Variants in CDK19 observed in about 807,000 individuals in gnomAD.
The protein encoded by CDK19 is cyclin-dependent kinase 19.
In CDK19, 20 loss-of-function variants were observed where a neutral mutation model predicts 68.3. The ratio of observed to expected loss-of-function variants is 0.29; its 90% CI spans 0.21 to 0.43. The LOEUF (loss-of-function observed/expected upper bound fraction) is 0.43. CDK19 is among the 20% of genes least tolerant of loss of function. CDK19 has a pLI of 1.00. For synonymous variants in CDK19, 221 were observed against 222.8 expected (o/e 0.99, Z 0.07); for missense variants, 339 against 623.5 (o/e 0.54, Z 4.86).
At chr6:110,624,705 T>G (rs1778975688) in intron 8 of CDK19, among the ~76,000 whole-genome samples, 1 of 152,238 alleles carries the variant, frequency 6.6e-6, no homozygotes, top group African/African-American at 2.4e-5. Context: ...ACTTATTATT[T>G]TGAGTGGCTG....
chr6:110,614,861 A>G (rs973110926), intron 12 of CDK19, among the ~76,000 whole-genome samples, 195 bp from the exon 13 acceptor site: 21 of 152,202 alleles, frequency 1.4e-4, no homozygotes, highest in African/African-American at 4.3e-4. Context: ...GTAACCACAC[A>G]TTCTGGCAGG....
chr6:110,641,740 G>T (rs1483461796), intron 4 of CDK19, among the ~76,000 whole-genome samples: 1 of 151,932 alleles, frequency 6.6e-6, no homozygotes, highest in Non-Finnish European at 1.5e-5. Context: ...AAGAAAAATT[G>T]CATGGAATGA....
intron 2 of CDK19, among the ~76,000 whole-genome samples, chr6:110,728,287 C>CA (rs951995109): frequency 0.034 from 2,979 of 86,994 alleles, 95 homozygotes; most frequent in African/African-American, 0.096. Flanking sequence ...GACTCCATCT[C>CA]AAAAAAAAAA....
chr6:110,663,059 C>T (rs973040246), intron 4 of CDK19, among the ~76,000 whole-genome samples: 5 of 152,134 alleles, frequency 3.3e-5, no homozygotes, highest in African/African-American at 4.8e-5. Context: ...ATGTCCAAAA[C>T]ACTGACTTTT....
At chr6:110,705,531 GGA>G (rs1205893166) in intron 2 of CDK19, among the ~76,000 whole-genome samples, 1 of 152,134 alleles carries the variant, frequency 6.6e-6, no homozygotes, top group Non-Finnish European at 1.5e-5. Flanking sequence ...AGGGCATTCA[GGA>G]GAGAGCTCTT....
intron 2 of CDK19, among the ~76,000 whole-genome samples, chr6:110,721,901 T>C (rs1775924725): frequency 6.6e-6 from 1 of 152,086 alleles, no homozygotes; most frequent in Non-Finnish European, 1.5e-5. Flanking sequence ...GAGACAGAGG[T>C]TGCAGTGAGC....
intron 4 of CDK19, among the ~76,000 whole-genome samples, chr6:110,659,047 T>A (rs1781467837): frequency 6.6e-6 from 1 of 152,202 alleles, no homozygotes; most frequent in Admixed American, 6.5e-5. Context: ...TTTTAAAGTG[T>A]AGGTTCTCAA....
intron 4 of CDK19, chr6:110,646,561 A>G (rs977669817): frequency 1.2e-5 from 12 of 997,950 alleles, no homozygotes; most frequent in Admixed American, 9.7e-5. Context: ...CGTGCTGAGT[A>G]CGGCCACCTG....
chr6:110,698,019 TG>T (rs1429208388), intron 2 of CDK19, among the ~76,000 whole-genome samples: 1 of 152,070 alleles, frequency 6.6e-6, no homozygotes, highest in Non-Finnish European at 1.5e-5. Context: ...CAACTGAAGA[TG>T]GATCAAAGAC....
rs1376135113 is a variant in CDK19 at position 110,755,123 on chromosome 6, C to T, written c.129-8922G>A. Among the ~76,000 whole-genome samples, 4 of 151,602 alleles carry T rather than the reference C, an allele frequency of 2.6e-5. No individual in the cohort carries two copies. In the South Asian group the frequency reaches 6.3e-4, roughly 24 times the overall value. ...TGGCACAATCTCAACTCACTACAAC[C>T]TCCGCCTCCCAGGTTCAAGCTATTC... On this transcript the variant is annotated intron_variant, in intron 1 of 12. Coordinates refer to ENST00000368911, the MANE Select transcript of CDK19 (RefSeq NM_015076.5).
chr6:110,685,628 T>G (rs1772409501), intron 2 of CDK19, among the ~76,000 whole-genome samples: 1 of 152,196 alleles, frequency 6.6e-6, no homozygotes, highest in African/African-American at 2.4e-5. Context: ...ATATACTCTA[T>G]GTATTGACAT....
At chr6:110,762,945 A>C (rs1367331015) in intron 1 of CDK19, among the ~76,000 whole-genome samples, 3 of 152,218 alleles carry the variant, frequency 2.0e-5, no homozygotes, top group Non-Finnish European at 4.4e-5. Flanking sequence ...AACCGATTAG[A>C]TGACTGACTT....
At chr6:110,626,744 CA>C (rs753195552) in intron 8 of CDK19, 31 bp downstream of exon 8, 2 of 1,309,986 alleles carry the variant, frequency 1.5e-6, no homozygotes, top group South Asian at 2.7e-5. Flanking sequence ...TATAGCAGCA[CA>C]AAAAGACTAA....
intron 1 of CDK19, among the ~76,000 whole-genome samples, chr6:110,784,210 C>CA (rs1017225954): frequency 2.3e-4 from 33 of 141,892 alleles, no homozygotes; most frequent in Middle Eastern, 3.6e-3. Context: ...AAAGGCAACT[C>CA]AAAAAAAACA....
chr6:110,746,337 A>AT, intron 1 of CDK19, 136 bp from the exon 2 acceptor site: 2 of 481,872 alleles, frequency 4.2e-6, no homozygotes, highest in Non-Finnish European at 3.6e-6. Flanking sequence ...ATTGCTTATT[A>AT]TTTTTGATAA....
chr6:110,686,606 A>G (rs1772510371), intron 2 of CDK19, among the ~76,000 whole-genome samples: 1 of 152,212 alleles, frequency 6.6e-6, no homozygotes. Flanking sequence ...AATGAAAGTA[A>G]CAGTACATGA....
At chr6:110,724,605 T>C (rs1160810466) in intron 2 of CDK19, among the ~76,000 whole-genome samples, 1 of 152,064 alleles carries the variant, frequency 6.6e-6, no homozygotes. Flanking sequence ...GAACAGACAC[T>C]AAAGTTTAGG....
At position 110,614,359 on chromosome 6, in the gene CDK19, T is replaced by TA. The variant is rs767054669; in HGVS notation, c.*175dup. On this transcript the variant is annotated 3_prime_UTR_variant, in exon 13 of 13. Coordinates refer to ENST00000368911, the MANE Select transcript of CDK19 (RefSeq NM_015076.5). ...GGGGAAACTTCACAAGAATCTTCTT[T>TA]AAGTCAATAAAGAAGAGCTATCAGT... 227 of 481,200 alleles carry TA rather than the reference T, an allele frequency of 4.7e-4. 2 individuals are homozygous for TA. The highest frequency in any genetic ancestry group is 3.3e-3 in the East Asian group (111 of 33,310). The allele number at this position is 481,200 out of a possible 1,614,324, so 29.8% of individuals were successfully genotyped here.
chr6:110,791,013 T>C (rs1781555440), intron 1 of CDK19, among the ~76,000 whole-genome samples: 1 of 151,856 alleles, frequency 6.6e-6, no homozygotes, highest in African/African-American at 2.4e-5. Context: ...CTACTAAAAA[T>C]ACAAAAAATT....
Sources: gnomAD v4.1 joint callset for allele counts (sites outside exome capture counted in the v4.1 genomes callset) on GRCh38, gnomAD v4.1.1 for gene constraint, MANE v1.5 for transcripts, NCBI Gene and HGNC (gene_info 2026-07-23, HGNC 2026-07-21) for gene names.